The following TOM1L2 variants were observed in gnomAD, a reference collection of about 807,000 sequenced individuals.
The protein encoded by TOM1L2 is TOM1-like protein 2.
Under a neutral mutation model 67.9 loss-of-function variants are expected in TOM1L2, and 31 were observed. That is an observed-to-expected ratio of 0.46 (90% CI 0.34 to 0.62). The LOEUF is 0.62. Ranked by LOEUF, TOM1L2 falls within the 20% of genes least tolerant of loss-of-function variation. The probability of loss-of-function intolerance (pLI) is 0.01; values close to 1 mark genes in which losing one functional copy is unlikely to be tolerated. For missense variants in TOM1L2, 606 were observed against 663.5 expected (o/e 0.91, Z 0.95); for synonymous variants, 256 against 254.0 (o/e 1.01, Z -0.07).
intron 12 of TOM1L2, among the ~76,000 whole-genome samples, chr17:17,856,166 G>A (rs1246521705): frequency 1.3e-5 from 2 of 152,204 alleles, no homozygotes. Flanking sequence ...TTTTTTGCAG[G>A]ATTAATAGGC....
At chr17:17,922,304 C>T (rs138679512) in intron 1 of TOM1L2, among the ~76,000 whole-genome samples, 1 of 152,284 alleles carries the variant, frequency 6.6e-6, no homozygotes, top group East Asian at 1.9e-4. Flanking sequence ...GCCAGGGCCT[C>T]GGTGAAGGGG....
At chr17:17,947,312 C>A (rs1172031232) in intron 1 of TOM1L2, among the ~76,000 whole-genome samples, 1 of 152,180 alleles carries the variant, frequency 6.6e-6, no homozygotes. Flanking sequence ...ACATGAGCCA[C>A]CGTGCCCAGG....
chr17:17,870,337 T>C (rs999989580), intron 7 of TOM1L2, among the ~76,000 whole-genome samples: 2 of 152,174 alleles, frequency 1.3e-5, no homozygotes, highest in African/African-American at 4.8e-5. Flanking sequence ...GCAGACTTAC[T>C]GATGCCCTTG....
In TOM1L2 at chr17:17,893,657, C is replaced by G. The variant is rs1568188924; in HGVS notation, c.366+4G>C. ...CAACAAATTGGGCAAGGGGTCCAAC[C>G]TACCTGGATCAGAGCAAGCACTTTG... On this transcript the variant is annotated splice_donor_region_variant and intron_variant, in intron 4 of 14. Coordinates refer to ENST00000379504, the MANE Select transcript of TOM1L2 (RefSeq NM_001082968.2). The G allele has an allele frequency of 6.2e-7, 1 of 1,612,970 alleles. No individual in the cohort carries two copies.
chr17:17,942,246 A>G (rs2040763230), intron 1 of TOM1L2, among the ~76,000 whole-genome samples: 1 of 152,220 alleles, frequency 6.6e-6, no homozygotes, highest in African/African-American at 2.4e-5. Context: ...ACCCAAGATC[A>G]GCATGTTCTT....
At chr17:17,951,963 A>G (rs373565174) in intron 1 of TOM1L2, among the ~76,000 whole-genome samples, 3 of 152,242 alleles carry the variant, frequency 2.0e-5, no homozygotes, top group African/African-American at 7.2e-5. Flanking sequence ...GGCAGTCTCC[A>G]TCAAAATTTC....
rs141417765 is a variant in TOM1L2 at position 17,864,581 on chromosome 17, G to A, written c.1084+1715C>T. ...GGCTGCAGTGCAGTGGCACAATCTC[G>A]GCTCACTGCAACCTCCGCCTCCCGG... On this transcript the variant is annotated intron_variant, in intron 10 of 14. Coordinates refer to ENST00000379504, the MANE Select transcript of TOM1L2 (RefSeq NM_001082968.2). Among the ~76,000 whole-genome samples the A allele has an allele frequency of 6.3e-3, 948 of 150,654 alleles. 18 individuals are homozygous for A. The highest frequency in any genetic ancestry group is 0.022 in the African/African-American group (915 of 40,868).
chr17:17,887,179 A>G (rs988786101), intron 4 of TOM1L2, among the ~76,000 whole-genome samples: 1 of 152,142 alleles, frequency 6.6e-6, no homozygotes, highest in Non-Finnish European at 1.5e-5. Context: ...GGCATCTGTT[A>G]TTTGCGATCA....
chr17:17,864,037 T>C (rs1404269585), intron 10 of TOM1L2, among the ~76,000 whole-genome samples: 2 of 151,934 alleles, frequency 1.3e-5, no homozygotes, highest in African/African-American at 4.8e-5. Context: ...CAGCTAATTT[T>C]TTTGTATTTT....
At chr17:17,851,604 G>A (rs878959634) in intron 12 of TOM1L2, among the ~76,000 whole-genome samples, 2 of 152,184 alleles carry the variant, frequency 1.3e-5, no homozygotes, top group African/African-American at 4.8e-5. Context: ...CAGAAACACA[G>A]CAAAAACGAG....
At chr17:17,941,355 C>T (rs182282131) in intron 1 of TOM1L2, among the ~76,000 whole-genome samples, 1 of 152,216 alleles carries the variant, frequency 6.6e-6, no homozygotes, top group Admixed American at 6.5e-5. Context: ...CTGGCTCTGC[C>T]CTCGGATGAC....
At chr17:17,964,929 G>A (rs1329065199) in intron 1 of TOM1L2, among the ~76,000 whole-genome samples, 1 of 152,168 alleles carries the variant, frequency 6.6e-6, no homozygotes. Context: ...GACTTTCAAT[G>A]TCAGGGGTTT....
chr17:17,898,773 G>T (rs904266978), intron 2 of TOM1L2, 99 bp from the exon 3 acceptor site: 1 of 1,171,736 alleles, frequency 8.5e-7, no homozygotes, highest in Non-Finnish European at 1.3e-6. Flanking sequence ...CTATTTGCTG[G>T]CTGCAGCATG....
chr17:17,908,874 G>T (rs1437609173), intron 1 of TOM1L2, among the ~76,000 whole-genome samples: 5 of 152,178 alleles, frequency 3.3e-5, no homozygotes, highest in Non-Finnish European at 7.3e-5. Flanking sequence ...TGGAAAACAG[G>T]ACGGTAGTTA....
At position 17,869,620 on chromosome 17, in the gene TOM1L2, T is replaced by C. The variant is rs1489179964; in HGVS notation, c.778-147A>G. ...AACCAGACATGTGCCGAATTCAAAG[T>C]AGAAGTTCCCTCTTCACTGCCTGCC... On this transcript the variant is annotated intron_variant, in intron 7 of 14. Coordinates refer to ENST00000379504, the MANE Select transcript of TOM1L2 (RefSeq NM_001082968.2). 2.1e-6 allele frequency: 3 copies of C among 1,406,054 alleles called. No individual in the cohort carries two copies. In the African/African-American group the frequency reaches 4.3e-5, roughly 20 times the overall value. 87.1% of individuals were successfully genotyped at this position (1,406,054 alleles called of 1,614,324 possible). A position where few individuals can be genotyped will look rare whatever the true frequency, so the allele number is the denominator to read the frequency against.
intron 14 of TOM1L2, among the ~76,000 whole-genome samples, chr17:17,848,598 T>G (rs933530514): frequency 2.6e-5 from 4 of 152,250 alleles, no homozygotes; most frequent in Non-Finnish European, 5.9e-5. Context: ...CTTTGTGGAA[T>G]TGACATGTTC....
At position 17,862,763 on chromosome 17, in the gene TOM1L2, C is replaced by G. The variant is rs184747207; in HGVS notation, c.1170G>C (p.Thr390=). 1.4e-5 allele frequency: 23 copies of G among 1,613,930 alleles called. No homozygotes were observed. In the South Asian group the frequency reaches 2.3e-4, roughly 16 times the overall value. The change falls in exon 11 of 15, where the codon ACG becomes ACC. Residue 390 remains threonine, a synonymous_variant. Coordinates refer to ENST00000379504, the MANE Select transcript of TOM1L2 (RefSeq NM_001082968.2). ...GCTGCTCAGCCAAGGAGTTTCCTCT[C>G]GTCTGGGCAAACATGTCAAAGCCGT... is the stretch of plus-strand genomic sequence containing the variant. ...PRDGFDMFAQ[T]RGNSLAEQRK... is the part of the protein sequence containing the mutation.
At chr17:17,920,104 T>G in intron 1 of TOM1L2, among the ~76,000 whole-genome samples, 1 of 152,096 alleles carries the variant, frequency 6.6e-6, no homozygotes, top group Non-Finnish European at 1.5e-5. Context: ...CTCCTGATTT[T>G]TAGGTGAAGT....
At chr17:17,913,620 AAAAG>A (rs993645050) in intron 1 of TOM1L2, among the ~76,000 whole-genome samples, 17 of 152,316 alleles carry the variant, frequency 1.1e-4, no homozygotes, top group African/African-American at 3.4e-4. Context: ...CTGCAAAATG[AAAAG>A]AAAGAAGCAT....
Sources: gnomAD v4.1 joint callset for allele counts (sites outside exome capture counted in the v4.1 genomes callset) on GRCh38, gnomAD v4.1.1 for gene constraint, MANE v1.5 for transcripts, NCBI Gene and HGNC (gene_info 2026-07-23, HGNC 2026-07-21) for gene names.